ERC2: variants seen among roughly 807,000 people sequenced by gnomAD.
The protein encoded by ERC2 is ELKS/RAB6-interacting/CAST family member 2.
ERC2 carries 42 observed loss-of-function variants against 114.8 expected under a neutral mutation model. The observed-to-expected ratio is 0.37, with a 90% CI of 0.29 to 0.47. ERC2 has a LOEUF of 0.47. Ranked by LOEUF, ERC2 falls within the 20% of genes least tolerant of loss-of-function variation. ERC2 has a pLI of 0.99. For missense variants in ERC2, 939 were observed against 1,150.7 expected, an observed-to-expected ratio of 0.82 and a Z score of 2.66; for synonymous variants, 454 against 425.5, an observed-to-expected ratio of 1.07 and a Z score of -0.82.
intron 17 of ERC2, among the ~76,000 whole-genome samples, chr3:55,543,868 T>C (rs1417147479): frequency 1.3e-5 from 2 of 152,118 alleles, no homozygotes; most frequent in African/African-American, 4.8e-5. Context: ...TCTCGAAGCC[T>C]TACCTCTCAC....
intron 1 of ERC2, among the ~76,000 whole-genome samples, chr3:56,446,629 C>CTTTTTT (rs71099637): frequency 4.5e-5 from 6 of 132,100 alleles, no homozygotes; most frequent in African/African-American, 1.4e-4. Flanking sequence ...TTTTTTCTTT[C>CTTTTTT]TTTTTTTTTT....
intron 3 of ERC2, among the ~76,000 whole-genome samples, chr3:56,236,469 T>C (rs2050954298): frequency 6.6e-6 from 1 of 152,166 alleles, no homozygotes; most frequent in African/African-American, 2.4e-5. Flanking sequence ...CCAAATTGCT[T>C]TTCCTTTCTA....
chr3:55,984,814 G>C (rs1162168140), intron 12 of ERC2, among the ~76,000 whole-genome samples: 9 of 152,190 alleles, frequency 5.9e-5, no homozygotes. Flanking sequence ...TGGTATGTGA[G>C]AGTGGCAGAG....
At chr3:55,698,588 T>C (rs539535434) in intron 16 of ERC2, among the ~76,000 whole-genome samples, 1 of 152,260 alleles carries the variant, frequency 6.6e-6, no homozygotes, top group African/African-American at 2.4e-5. Context: ...CTCCCATCTA[T>C]GGAAATGTAT....
intron 1 of ERC2, among the ~76,000 whole-genome samples, chr3:56,459,091 G>A (rs1421907159): frequency 6.6e-6 from 1 of 152,150 alleles, no homozygotes; most frequent in Non-Finnish European, 1.5e-5. Context: ...CACTGCCAGA[G>A]CAGCTCCCAG....
At chr3:56,096,585 T>C (rs1043619939) in intron 6 of ERC2, among the ~76,000 whole-genome samples, 6 of 152,232 alleles carry the variant, frequency 3.9e-5, no homozygotes, top group African/African-American at 1.4e-4. Flanking sequence ...GATATTTATA[T>C]ACAAGGTAGG....
At chr3:56,357,189 G>T (rs879397722) in intron 2 of ERC2, among the ~76,000 whole-genome samples, 2 of 152,166 alleles carry the variant, frequency 1.3e-5, no homozygotes, top group Non-Finnish European at 2.9e-5. Flanking sequence ...AGGGCTCTAA[G>T]CCCCTTAGCA....
intron 2 of ERC2, among the ~76,000 whole-genome samples, chr3:56,307,561 A>G (rs538176042): frequency 6.6e-6 from 1 of 152,324 alleles, no homozygotes; most frequent in South Asian, 2.1e-4. Context: ...CCTCAAGAAA[A>G]GCGAGTCCTC....
At chr3:55,999,122 A>G (rs1441566566) in intron 10 of ERC2, among the ~76,000 whole-genome samples, 1 of 152,218 alleles carries the variant, frequency 6.6e-6, no homozygotes, top group Non-Finnish European at 1.5e-5. Flanking sequence ...TACAGCAAAC[A>G]AGGTATTTGA....
intron 3 of ERC2, among the ~76,000 whole-genome samples, chr3:56,289,130 G>A (rs917596729): frequency 2.0e-5 from 3 of 151,698 alleles, no homozygotes; most frequent in Non-Finnish European, 4.4e-5. Flanking sequence ...CAACACATTC[G>A]AAGTCTTCCC....
At chr3:55,932,276 T>C (rs2066142790) in intron 13 of ERC2, among the ~76,000 whole-genome samples, 1 of 152,202 alleles carries the variant, frequency 6.6e-6, no homozygotes, top group African/African-American at 2.4e-5. Context: ...TGTTAAAGTA[T>C]TTTAAAGAAT....
At chr3:55,759,400 G>A (rs777432967) in intron 14 of ERC2, among the ~76,000 whole-genome samples, 28 of 132,958 alleles carry the variant, frequency 2.1e-4, no homozygotes, top group Non-Finnish European at 4.0e-4. Flanking sequence ...AGAAGTGTTC[G>A]CTATTGTCTC....
rs186571447 is a variant in ERC2, at chr3:56,226,044, C to T, written c.1075-52524G>A. ...GACAGAGATGCTTTCTACTATTCTA[C>T]TATTTTTCCAGTGAAAATATGTAAT... On this transcript the variant is annotated intron_variant, in intron 3 of 17. Transcript: ENST00000288221. 5.3e-5 allele frequency among the ~76,000 whole-genome samples: 8 copies of T among 152,320 alleles called. No individual in the cohort carries two copies. The East Asian group carries it at 1.5e-3, about 29-fold the overall frequency.
In ERC2 at chr3:56,305,156, G is replaced by A. The variant is rs547438253; in HGVS notation, c.658-8721C>T. 1.2e-4 allele frequency among the ~76,000 whole-genome samples: 19 copies of A among 152,016 alleles called. No homozygotes were observed. The South Asian group carries it at 1.9e-3, about 15-fold the overall frequency. ...TTATCAGCAGGGCACAAAAAATGTAGCCATAAAAAGAAGAGTAGTAAATTT... is the reference window on the plus strand; with the variant it reads ...TTATCAGCAGGGCACAAAAAATGTAACCATAAAAAGAAGAGTAGTAAATTT... On this transcript the variant is annotated intron_variant, in intron 2 of 17. Coordinates refer to ENST00000288221, the MANE Select transcript of ERC2 (RefSeq NM_015576.3).
At chr3:55,563,820 C>G (rs1258241562) in intron 17 of ERC2, among the ~76,000 whole-genome samples, 2 of 152,194 alleles carry the variant, frequency 1.3e-5, no homozygotes, top group African/African-American at 4.8e-5. Context: ...CCAGCTGTGC[C>G]TGCCAACAGA....
chr3:55,597,722 G>A (rs1306764849), intron 17 of ERC2, among the ~76,000 whole-genome samples: 1 of 152,124 alleles, frequency 6.6e-6, no homozygotes, highest in Non-Finnish European at 1.5e-5. Context: ...CTAGCTCCTG[G>A]AATGGAGCCT....
chr3:56,317,793 CAAAT>C, intron 2 of ERC2, among the ~76,000 whole-genome samples: 1 of 152,102 alleles, frequency 6.6e-6, no homozygotes, highest in Non-Finnish European at 1.5e-5. Flanking sequence ...GCTGCACAGA[CAAAT>C]AAAATATTAA....
At chr3:56,124,101 T>C (rs1319300790) in intron 6 of ERC2, among the ~76,000 whole-genome samples, 1 of 152,182 alleles carries the variant, frequency 6.6e-6, no homozygotes, top group Non-Finnish European at 1.5e-5. Flanking sequence ...ACATTACAGA[T>C]GGATTTGGCA....
Position 56,434,520 on chromosome 3 carries a change from A to C in ERC2, c.488T>G (p.Leu163Arg), listed in dbSNP as rs1370539738. 2 of 1,613,900 alleles carry C rather than the reference A, an allele frequency of 1.2e-6. No individual in the cohort carries two copies. The highest frequency in any genetic ancestry group is 2.2e-5 in the South Asian group (2 of 91,086). ...CTTGATGTCTAGCTCTTTCCGGAGG[A>C]GGTCATTCTCTCTCTGCAGTTCTTT... Reference protein sequence around the residue: ...QLKELQRENDLLRKELDIKDS... With the variant: ...QLKELQRENDRLRKELDIKDS... Residue 163 changes from leucine (L) to arginine (R), a missense_variant, in exon 2 of 18, where the codon CTC (leucine) becomes CGC (arginine). Around this residue, in one of 5 missense-constraint regions of ERC2, gnomAD observed 281 missense variants for 307.4 expected, o/e 0.91. Transcript: ENST00000288221.
Sources: allele counts gnomAD v4.1 joint callset (sites outside exome capture counted in the v4.1 genomes callset), GRCh38; gene constraint gnomAD v4.1.1; regional missense constraint gnomAD v4.1.1; transcripts MANE v1.5; gene names NCBI Gene and HGNC (gene_info 2026-07-23, HGNC 2026-07-21).